Variants in PCOLCE2 observed in about 807,000 individuals in gnomAD.
PCOLCE2 encodes the protein procollagen C-endopeptidase enhancer 2, also known as procollagen C-proteinase enhancer 2.
A neutral mutation model predicts 47.0 loss-of-function variants in PCOLCE2; 42 were observed. The observed-to-expected ratio is 0.89, with a 90% CI of 0.70 to 1.16. The LOEUF is 1.16. Among genes scored for constraint, PCOLCE2 ranks in the 50% most tolerant of loss-of-function variants. The pLI, the probability that PCOLCE2 is intolerant of heterozygous loss-of-function variation, is 0.00. For missense variants in PCOLCE2, 500 were observed against 526.1 expected, an observed-to-expected ratio of 0.95 and a Z score of 0.49; for synonymous variants, 169 against 191.7, an observed-to-expected ratio of 0.88 and a Z score of 0.98.
intron 5 of PCOLCE2, among the ~76,000 whole-genome samples, chr3:142,834,253 C>T (rs1280581535): frequency 6.6e-6 from 1 of 152,316 alleles, no homozygotes; most frequent in East Asian, 1.9e-4. Flanking sequence ...TCTTCTCCTT[C>T]AGAACTGTCT....
chr3:142,849,406 A>G (rs1326641168), intron 2 of PCOLCE2, among the ~76,000 whole-genome samples: 1 of 152,184 alleles, frequency 6.6e-6, no homozygotes, highest in Non-Finnish European at 1.5e-5. Context: ...TGAAGACTTT[A>G]TATGTCAGGA....
chr3:142,851,681 A>G (rs1474063770), intron 2 of PCOLCE2, among the ~76,000 whole-genome samples: 1 of 152,206 alleles, frequency 6.6e-6, no homozygotes, highest in Non-Finnish European at 1.5e-5. Context: ...TTGAAATTAC[A>G]GTTGATTAGG....
At chr3:142,850,337 A>T (rs910634572) in intron 2 of PCOLCE2, among the ~76,000 whole-genome samples, 1 of 152,194 alleles carries the variant, frequency 6.6e-6, no homozygotes, top group African/African-American at 2.4e-5. Flanking sequence ...CTGCATGAAT[A>T]GTGACTATTT....
At chr3:142,876,546 G>T (rs946338061) in intron 2 of PCOLCE2, among the ~76,000 whole-genome samples, 3 of 152,162 alleles carry the variant, frequency 2.0e-5, no homozygotes, top group Non-Finnish European at 4.4e-5. Context: ...TGGGTCACTG[G>T]TCTCAGCTGG....
chr3:142,826,459 G>C (rs1937079401), intron 6 of PCOLCE2, among the ~76,000 whole-genome samples: 1 of 152,132 alleles, frequency 6.6e-6, no homozygotes, highest in African/African-American at 2.4e-5. Context: ...TGCCTTCTGT[G>C]AGTCCTCTGG....
intron 2 of PCOLCE2, among the ~76,000 whole-genome samples, chr3:142,857,033 A>C (rs905347434): frequency 6.6e-6 from 1 of 152,134 alleles, no homozygotes; most frequent in African/African-American, 2.4e-5. Context: ...AAGAGCATCC[A>C]GGATATTCTA....
intron 6 of PCOLCE2, among the ~76,000 whole-genome samples, chr3:142,825,452 C>G (rs1937065414): frequency 6.6e-6 from 1 of 152,214 alleles, no homozygotes; most frequent in African/African-American, 2.4e-5. Context: ...ATGGGTCCAC[C>G]CTCCCATGTC....
At chr3:142,864,691 C>A (rs908508320) in intron 2 of PCOLCE2, among the ~76,000 whole-genome samples, 12 of 152,238 alleles carry the variant, frequency 7.9e-5, no homozygotes, top group Non-Finnish European at 1.5e-4. Flanking sequence ...CAGCCTCAAG[C>A]AAGCACTGAT....
intron 6 of PCOLCE2, among the ~76,000 whole-genome samples, chr3:142,826,244 T>C (rs564490873): frequency 1.3e-5 from 2 of 152,166 alleles, no homozygotes; most frequent in South Asian, 4.1e-4. Flanking sequence ...CCTGACCTCA[T>C]GATCCACCCG....
At chr3:142,887,867 T>C (rs1306870953) in intron 1 of PCOLCE2, 90 bp from the exon 2 acceptor site, 2 of 710,570 alleles carry the variant, frequency 2.8e-6, no homozygotes, top group Non-Finnish European at 4.8e-6. Context: ...CCTATTAATA[T>C]AAATAAAAGT....
chr3:142,862,639 G>A (rs1933200944), intron 2 of PCOLCE2, among the ~76,000 whole-genome samples: 1 of 152,138 alleles, frequency 6.6e-6, no homozygotes, highest in Non-Finnish European at 1.5e-5. Flanking sequence ...TGCTGTATTT[G>A]TAGGTTATCT....
Position 142,850,332 on chromosome 3 carries a change from T to C in PCOLCE2, c.193-1860A>G, listed in dbSNP as rs545968767. On this transcript the variant is annotated intron_variant, in intron 2 of 8. Transcript: ENST00000295992. ...CAAACTAATTTGTTTTTTTCCTGCA[T>C]GAATAGTGACTATTTGTATAAATGT... 4.1e-4 allele frequency among the ~76,000 whole-genome samples: 63 copies of C among 152,328 alleles called. 1 individual carries two copies. In the South Asian group the frequency reaches 0.012, roughly 30 times the overall value.
chr3:142,822,454 G>C (rs1937026404), intron 7 of PCOLCE2, among the ~76,000 whole-genome samples: 1 of 152,076 alleles, frequency 6.6e-6, no homozygotes, highest in Non-Finnish European at 1.5e-5. Flanking sequence ...TCAGAATAAA[G>C]TGAACACTCA....
chr3:142,820,121 T>TA (rs890284146), intron 8 of PCOLCE2, among the ~76,000 whole-genome samples: 5 of 150,976 alleles, frequency 3.3e-5, no homozygotes, highest in African/African-American at 1.2e-4. Context: ...TTTTTTTTTT[T>TA]ATAGAAATAG....
At chr3:142,868,091 T>C (rs1006863498) in intron 2 of PCOLCE2, among the ~76,000 whole-genome samples, 1 of 152,164 alleles carries the variant, frequency 6.6e-6, no homozygotes, top group Non-Finnish European at 1.5e-5. Flanking sequence ...ATAAAGGCCA[T>C]TCAATTTTTA....
At chr3:142,838,954 A>C (rs757844209) in intron 4 of PCOLCE2, 48 bp from the exon 5 acceptor site, 10 of 1,414,126 alleles carry the variant, frequency 7.1e-6, no homozygotes, top group Non-Finnish European at 9.9e-6. Flanking sequence ...AGCATTGTTG[A>C]ATAACCTCAA....
chr3:142,839,972 A>C (rs1937248486), intron 4 of PCOLCE2, among the ~76,000 whole-genome samples: 1 of 152,224 alleles, frequency 6.6e-6, no homozygotes, highest in Non-Finnish European at 1.5e-5. Flanking sequence ...AGGGAGTAGT[A>C]GTGTGTGTGA....
At chr3:142,871,987 A>T (rs977836190) in intron 2 of PCOLCE2, among the ~76,000 whole-genome samples, 1 of 151,664 alleles carries the variant, frequency 6.6e-6, no homozygotes, top group Non-Finnish European at 1.5e-5. Context: ...TCCCATCTTC[A>T]CCCTACTCTT....
chr3:142,827,700 G>T, intron 6 of PCOLCE2: 1 of 1,104,208 alleles, frequency 9.1e-7, no homozygotes, highest in Non-Finnish European at 1.4e-6. Flanking sequence ...TTGGGGAGGG[G>T]CGCGCTGTGA....
Sources: gnomAD v4.1 joint callset for allele counts (sites outside exome capture counted in the v4.1 genomes callset) on GRCh38, gnomAD v4.1.1 for gene constraint, MANE v1.5 for transcripts, NCBI Gene and HGNC (gene_info 2026-07-23, HGNC 2026-07-21) for gene names.